The following TENT5D variants were observed in gnomAD, a reference collection of about 807,000 sequenced individuals.
TENT5D encodes cancer/testis antigen 112.
For synonymous variants in TENT5D, 103 were observed against 100.6 expected, an observed-to-expected ratio of 1.02 and a Z score of -0.15; for missense variants, 191 against 287.0, an observed-to-expected ratio of 0.67 and a Z score of 2.42.
chrX:80,338,248 C>A (rs1025981963), intron 2 of TENT5D, among the ~76,000 whole-genome samples: 7 of 111,539 alleles, frequency 6.3e-5, no homozygotes, highest in Admixed American at 5.7e-4. Flanking sequence ...ATAGTAGAGA[C>A]AATAGATGTA....
chrX:80,381,837 T>G (rs915334490), intron 3 of TENT5D, among the ~76,000 whole-genome samples: 1 of 111,898 alleles, frequency 8.9e-6, no homozygotes, highest in East Asian at 2.8e-4. Context: ...CTCTACACTT[T>G]ATTCTAGTTA....
chrX:80,371,348 A>G (rs1345741922), intron 3 of TENT5D, among the ~76,000 whole-genome samples: 1 of 111,513 alleles, frequency 9.0e-6, no homozygotes, highest in East Asian at 2.8e-4. Context: ...TAAGGATTCT[A>G]GGATTTTCAG....
intron 2 of TENT5D, among the ~76,000 whole-genome samples, chrX:80,340,671 T>G (rs2147511099): frequency 9.0e-6 from 1 of 111,420 alleles, no homozygotes. Context: ...GACATTTCGG[T>G]CTGTACAATG....
chrX:80,410,917 G>C (rs867560386), intron 3 of TENT5D, among the ~76,000 whole-genome samples: 1 of 105,315 alleles, frequency 9.5e-6, no homozygotes, highest in Non-Finnish European at 2.0e-5. Flanking sequence ...TGCAGCCATA[G>C]AAAATGATGA....
chrX:80,355,652 C>T (rs1482845327), intron 3 of TENT5D, among the ~76,000 whole-genome samples: 2 of 111,698 alleles, frequency 1.8e-5, no homozygotes, highest in African/African-American at 3.3e-5. Context: ...CCATTCTATT[C>T]CCTTTTCACT....
chrX:80,350,508 T>C (rs1484000660), intron 3 of TENT5D, among the ~76,000 whole-genome samples: 1 of 111,183 alleles, frequency 9.0e-6, no homozygotes, highest in Non-Finnish European at 1.9e-5. Context: ...TTGATAAATA[T>C]TCCCCCATCC....
At chrX:80,360,460 T>G (rs1455256338) in intron 3 of TENT5D, among the ~76,000 whole-genome samples, 1 of 112,329 alleles carries the variant, frequency 8.9e-6, no homozygotes, top group Non-Finnish European at 1.9e-5. Context: ...AAATTGTTGG[T>G]GCTAGCCATA....
At chrX:80,426,975 G>C (rs1931999356) in intron 1 of TENT5D, among the ~76,000 whole-genome samples, 1 of 110,973 alleles carries the variant, frequency 9.0e-6, no homozygotes, top group South Asian at 3.8e-4. Context: ...GTTTATCAGG[G>C]GTTTCCACTT....
At chrX:80,428,640 C>T (rs1265459259) in intron 1 of TENT5D, among the ~76,000 whole-genome samples, 1 of 111,979 alleles carries the variant, frequency 8.9e-6, no homozygotes, top group Non-Finnish European at 1.9e-5. Context: ...TTTATCTGCT[C>T]GAGTTTCTTT....
chrX:80,432,737 A>C (rs1370493303), intron 1 of TENT5D, among the ~76,000 whole-genome samples: 5 of 111,158 alleles, frequency 4.5e-5, no homozygotes, highest in Non-Finnish European at 7.5e-5. Flanking sequence ...AGGAGCGCAG[A>C]AACAAGGGTG....
At chrX:80,394,391 CT>C (rs35632962) in intron 3 of TENT5D, among the ~76,000 whole-genome samples, 44 of 36,671 alleles carry the variant, frequency 1.2e-3, no homozygotes, top group African/African-American at 3.3e-3. Flanking sequence ...AGGTCCTTTC[CT>C]TTTTTTTTTT....
chrX:80,380,478 C>A (rs1930838775), intron 3 of TENT5D, among the ~76,000 whole-genome samples: 1 of 111,025 alleles, frequency 9.0e-6, no homozygotes, highest in Non-Finnish European at 1.9e-5. Context: ...ATTACGTCTG[C>A]TTGGTGCTGA....
chrX:80,443,931 A>G, exon 3 of TENT5D: 1 of 332,360 alleles, frequency 3.0e-6, no homozygotes, highest in Non-Finnish European at 5.4e-6. Flanking sequence ...TTCAAACGTT[A>G]TTGACTAGCT....
chrX:80,376,517 A>C (rs1930730970), intron 3 of TENT5D, among the ~76,000 whole-genome samples: 1 of 111,424 alleles, frequency 9.0e-6, no homozygotes, highest in African/African-American at 3.3e-5. Context: ...ATTTAACAGA[A>C]TGTGCAATAA....
At chrX:80,405,228 T>G (rs1350018080) in intron 3 of TENT5D, among the ~76,000 whole-genome samples, 1 of 111,331 alleles carries the variant, frequency 9.0e-6, no homozygotes, top group Non-Finnish European at 1.9e-5. Context: ...AATCAATCTG[T>G]TAAGAAAATT....
chrX:80,336,719 T>A (rs1169131296), intron 2 of TENT5D, among the ~76,000 whole-genome samples: 2 of 111,976 alleles, frequency 1.8e-5, no homozygotes, highest in African/African-American at 6.5e-5. Context: ...TCAAGTTTCA[T>A]ATAAAGTTCC....
chrX:80,390,187 T>C (rs957800817), intron 3 of TENT5D, among the ~76,000 whole-genome samples: 2 of 111,401 alleles, frequency 1.8e-5, no homozygotes, highest in African/African-American at 3.3e-5. Context: ...TATTTTCTTA[T>C]TGAAGTAGGA....
intron 3 of TENT5D, among the ~76,000 whole-genome samples, chrX:80,361,974 C>T: frequency 9.0e-6 from 1 of 110,601 alleles, no homozygotes. Flanking sequence ...TCCCTTTCTC[C>T]TCTTTCTCCA....
At chrX:80,378,229 T>A (rs1355074286) in intron 3 of TENT5D, among the ~76,000 whole-genome samples, 2 of 111,864 alleles carry the variant, frequency 1.8e-5, no homozygotes, top group Admixed American at 1.9e-4. Context: ...GTACAGAAAC[T>A]CTTTAGTTTA....
Sources: allele counts gnomAD v4.1 joint callset (sites outside exome capture counted in the v4.1 genomes callset), GRCh38; gene constraint gnomAD v4.1.1; transcripts MANE v1.5; gene names NCBI Gene and HGNC (gene_info 2026-07-23, HGNC 2026-07-21).